Variants in TMEM132B observed in about 807,000 individuals in gnomAD.
TMEM132B encodes transmembrane protein 132B.
In TMEM132B, 18 loss-of-function variants were observed where a neutral mutation model predicts 90.8. That is an observed-to-expected ratio of 0.20 (90% CI 0.14 to 0.29). The LOEUF is 0.29. TMEM132B is among the 10% of genes least tolerant of loss of function. The probability of loss-of-function intolerance (pLI) is 1.00; values close to 1 mark genes in which losing one functional copy is unlikely to be tolerated. For synonymous variants in TMEM132B, 504 were observed against 523.3 expected, an observed-to-expected ratio of 0.96 and a Z score of 0.50; for missense variants, 1,096 against 1,326.8, an observed-to-expected ratio of 0.83 and a Z score of 2.70.
rs1886987593 is a variant in TMEM132B, at chr12:125,653,748, A to T, written c.2290A>T (p.Ile764Phe). The change falls in exon 9 of 9, where the codon ATT (isoleucine) becomes TTT (phenylalanine). Residue 764 changes from isoleucine (I) to phenylalanine (F), a missense_variant. Ile to Phe is a conservative substitution (Grantham distance 21). Coordinates refer to ENST00000682704, the MANE Select transcript of TMEM132B (RefSeq NM_001366854.1). ...AGAGGGTGAAGGACAAGGGCCTTTG[A>T]TTAAGTTAGAAATGATGATAAGTGA... ...VAEGEGQGPL[I>F]KLEMMISEPC... The T allele has an allele frequency of 3.7e-6, 6 of 1,614,118 alleles. No homozygotes were observed. The highest frequency in any genetic ancestry group is 1.7e-5 in the Admixed American group (1 of 60,004).
In TMEM132B at chr12:125,319,034, G is replaced by C. The variant is rs118072643; in HGVS notation, c.68-30418G>C. Among the ~76,000 whole-genome samples, 1,243 of 152,308 alleles carry C rather than the reference G, an allele frequency of 8.2e-3. 15 individuals carry two copies. Among genetic ancestry groups the C allele is most frequent in the Middle Eastern group, 0.014 (4 of 294 alleles). On this transcript the variant is annotated intron_variant, in intron 1 of 8. Coordinates refer to ENST00000682704, the MANE Select transcript of TMEM132B (RefSeq NM_001366854.1). ...GGCCATGATATAATCCTGGGTTTCA[G>C]GGCAGGTGGCCCAGTGGTAAGAGCA...
At chr12:125,252,624 C>T (rs1565984315) in intron 1 of TMEM132B, among the ~76,000 whole-genome samples, 1 of 152,178 alleles carries the variant, frequency 6.6e-6, no homozygotes, top group African/African-American at 2.4e-5. Context: ...AGAAGGTGTC[C>T]CTGTGATTCT....
intron 1 of TMEM132B, among the ~76,000 whole-genome samples, chr12:125,203,432 A>G (rs777458908): frequency 6.6e-6 from 1 of 152,228 alleles, no homozygotes; most frequent in Non-Finnish European, 1.5e-5. Flanking sequence ...CATAGAAATG[A>G]CACATCACAA....
At position 125,653,878 on chromosome 12, in the gene TMEM132B, A is replaced by C; in HGVS notation, c.2420A>C (p.Asp807Ala). ...SSDEHQGGSNDIEGINREYKD... is the reference protein window; with the variant it reads ...SSDEHQGGSNAIEGINREYKD... ...GATGAGCACCAAGGAGGCAGCAATG[A>C]TATTGAGGGCATAAATCGGGAATAT... is the stretch of plus-strand genomic sequence containing the variant. The change falls in exon 9 of 9, where the codon GAT becomes GCT. Residue 807 changes from aspartate to alanine, a missense_variant. By Grantham distance (126) the Asp-to-Ala change is moderately radical. Transcript: ENST00000682704. 2.5e-6 allele frequency: 4 copies of C among 1,614,190 alleles called. No individual in the cohort carries two copies. Among genetic ancestry groups the C allele is most frequent in the Non-Finnish European group, 3.4e-6 (4 of 1,180,046 alleles).
chr12:125,249,969 T>TC (rs149723587), intron 1 of TMEM132B, among the ~76,000 whole-genome samples: 7,985 of 152,316 alleles, frequency 0.052, 291 homozygotes, highest in African/African-American at 0.09. Context: ...AAGGCTGAGT[T>TC]CCCAGGAGGA....
At chr12:125,524,106 G>T (rs536214035) in intron 4 of TMEM132B, among the ~76,000 whole-genome samples, 1 of 152,290 alleles carries the variant, frequency 6.6e-6, no homozygotes, top group South Asian at 2.1e-4. Context: ...GTAGCCTCAG[G>T]CTGGTCACCT....
At chr12:125,296,840 G>C (rs896977489) in intron 1 of TMEM132B, among the ~76,000 whole-genome samples, 2 of 152,224 alleles carry the variant, frequency 1.3e-5, no homozygotes, top group Admixed American at 1.3e-4. Flanking sequence ...CTTGTGCTAC[G>C]TTAGGGATTA....
intron 1 of TMEM132B, among the ~76,000 whole-genome samples, chr12:125,257,334 T>C (rs1874461178): frequency 6.6e-6 from 1 of 152,198 alleles, no homozygotes; most frequent in South Asian, 2.1e-4. Flanking sequence ...CAATTTCACC[T>C]GGAGGCTCCC....
intron 4 of TMEM132B, among the ~76,000 whole-genome samples, chr12:125,556,797 C>G (rs952066013): frequency 1.3e-5 from 2 of 152,178 alleles, no homozygotes; most frequent in Admixed American, 1.3e-4. Flanking sequence ...CTCTGTCACC[C>G]AGGCTGGAGT....
intron 3 of TMEM132B, among the ~76,000 whole-genome samples, chr12:125,425,073 G>C (rs1880277504): frequency 6.6e-6 from 1 of 152,260 alleles, no homozygotes; most frequent in Admixed American, 6.5e-5. Context: ...GGGAGGAGGT[G>C]GTGGAGGGCA....
At chr12:125,567,956 G>C (rs1041312452) in intron 4 of TMEM132B, among the ~76,000 whole-genome samples, 18 of 152,166 alleles carry the variant, frequency 1.2e-4, no homozygotes, top group Non-Finnish European at 7.3e-5. Context: ...GTTGGTAGAG[G>C]CAAAGGGAGG....
intron 2 of TMEM132B, among the ~76,000 whole-genome samples, chr12:125,355,318 G>A (rs1166663913): frequency 6.6e-6 from 1 of 152,148 alleles, no homozygotes; most frequent in African/African-American, 2.4e-5. Flanking sequence ...GAATGAGAAA[G>A]CTTCAGGTGT....
intron 1 of TMEM132B, among the ~76,000 whole-genome samples, chr12:125,226,405 T>C (rs4442602): frequency 0.75 from 114,183 of 152,178 alleles, 44,149 homozygotes; most frequent in African/African-American, 0.94. Context: ...GAGCAGTGTC[T>C]TAAGCTCTAT....
At chr12:125,491,154 TG>T (rs1882340366) in intron 3 of TMEM132B, among the ~76,000 whole-genome samples, 2 of 152,174 alleles carry the variant, frequency 1.3e-5, no homozygotes, top group South Asian at 4.1e-4. Flanking sequence ...CCACCAGAAC[TG>T]TGAAATAATA....
At chr12:125,642,808 A>G (rs917689182) in intron 5 of TMEM132B, among the ~76,000 whole-genome samples, 2 of 152,196 alleles carry the variant, frequency 1.3e-5, no homozygotes, top group African/African-American at 4.8e-5. Context: ...GTGACTGGGG[A>G]TGCAGGGTGA....
chr12:125,455,392 T>C (rs1300873997), intron 3 of TMEM132B, among the ~76,000 whole-genome samples: 1 of 152,106 alleles, frequency 6.6e-6, no homozygotes, highest in African/African-American at 2.4e-5. Flanking sequence ...TGCTTAGTGA[T>C]TAAAGTAAAT....
chr12:125,603,693 A>G (rs1593016668), intron 5 of TMEM132B, among the ~76,000 whole-genome samples: 1 of 152,238 alleles, frequency 6.6e-6, no homozygotes, highest in African/African-American at 2.4e-5. Context: ...ACTTTTTGCA[A>G]TCTACCCATC....
chr12:125,362,051 T>G (rs1877974753), intron 2 of TMEM132B, among the ~76,000 whole-genome samples: 1 of 152,174 alleles, frequency 6.6e-6, no homozygotes, highest in Non-Finnish European at 1.5e-5. Flanking sequence ...AATGATTGTT[T>G]TTAAGCCTGT....
At chr12:125,603,192 C>T (rs1177139732) in intron 5 of TMEM132B, among the ~76,000 whole-genome samples, 1 of 152,152 alleles carries the variant, frequency 6.6e-6, no homozygotes. Context: ...CATCATGCTA[C>T]CTGACTTCAA....
Sources: gnomAD v4.1 joint callset for allele counts (sites outside exome capture counted in the v4.1 genomes callset) on GRCh38, gnomAD v4.1.1 for gene constraint, MANE v1.5 for transcripts, NCBI Gene and HGNC (gene_info 2026-07-23, HGNC 2026-07-21) for gene names.